The following ADAMTS6 variants were observed in gnomAD, a reference collection of about 807,000 sequenced individuals.
The protein encoded by ADAMTS6 is A disintegrin and metalloproteinase with thrombospondin motifs 6.
ADAMTS6 carries 23 observed loss-of-function variants against 144.3 expected under a neutral mutation model. That is an observed-to-expected ratio of 0.16 (90% CI 0.11 to 0.23). The LOEUF (loss-of-function observed/expected upper bound fraction) is 0.23. ADAMTS6 is among the 10% of genes least tolerant of loss of function. The pLI is 1.00. For missense variants in ADAMTS6, 999 were observed against 1,379.6 expected, an observed-to-expected ratio of 0.72 and a Z score of 4.37; for synonymous variants, 444 against 457.5, an observed-to-expected ratio of 0.97 and a Z score of 0.38.
At chr5:65,225,259 C>G (rs773254782) in intron 16 of ADAMTS6, among the ~76,000 whole-genome samples, 2 of 152,118 alleles carry the variant, frequency 1.3e-5, no homozygotes, top group Non-Finnish European at 2.9e-5. Flanking sequence ...AAATAAACTA[C>G]CCCTTGCCCA....
At chr5:65,450,676 A>T (rs1758669180) in intron 7 of ADAMTS6, among the ~76,000 whole-genome samples, 1 of 152,152 alleles carries the variant, frequency 6.6e-6, no homozygotes. Context: ...AGTATTAAAA[A>T]CTATAACAGA....
At chr5:65,466,853 T>C (rs569239897) in intron 3 of ADAMTS6, among the ~76,000 whole-genome samples, 1 of 152,194 alleles carries the variant, frequency 6.6e-6, no homozygotes, top group Non-Finnish European at 1.5e-5. Flanking sequence ...CCATCCTGGC[T>C]AACACAGTGA....
chr5:65,296,356 CA>C (rs1221544658), intron 10 of ADAMTS6, among the ~76,000 whole-genome samples: 1 of 152,146 alleles, frequency 6.6e-6, no homozygotes, highest in Non-Finnish European at 1.5e-5. Context: ...CCTTCTAAGG[CA>C]AATCTTTTTC....
chr5:65,465,462 C>T lies in ADAMTS6; in HGVS notation c.463-5124G>A, dbSNP rs1334884996. ...CACCCCTCACTCTACCTAATCATTC[C>T]CACTTCAAACAAAACAAAACCTCCT... On this transcript the variant is annotated intron_variant, in intron 3 of 24. Transcript: ENST00000381055. 5.8e-3 allele frequency among the ~76,000 whole-genome samples: 10 copies of T among 1,716 alleles called. No individual in the cohort carries two copies. The South Asian group carries it at 0.14, about 24-fold the overall frequency. 1.1% of individuals were successfully genotyped at this position (1,716 alleles called of 152,430 possible).
At chr5:65,436,367 A>G (rs566793521) in intron 7 of ADAMTS6, among the ~76,000 whole-genome samples, 1 of 152,286 alleles carries the variant, frequency 6.6e-6, no homozygotes, top group African/African-American at 2.4e-5. Flanking sequence ...TTTCTTATCA[A>G]ATTTGCTTCT....
chr5:65,171,302 C>T (rs1234222210), intron 23 of ADAMTS6, among the ~76,000 whole-genome samples: 2 of 152,168 alleles, frequency 1.3e-5, no homozygotes, highest in Non-Finnish European at 2.9e-5. Flanking sequence ...AGCCATCGCG[C>T]CTGGCCACAA....
intron 24 of ADAMTS6, among the ~76,000 whole-genome samples, chr5:65,170,120 C>T (rs1303128457): frequency 1.3e-5 from 2 of 152,172 alleles, no homozygotes; most frequent in Non-Finnish European, 2.9e-5. Flanking sequence ...TAAACAGCTA[C>T]ATAATTATTT....
intron 9 of ADAMTS6, among the ~76,000 whole-genome samples, chr5:65,310,481 T>C (rs755468345): frequency 4.6e-5 from 7 of 152,158 alleles, no homozygotes; most frequent in Non-Finnish European, 1.0e-4. Context: ...GCTGTGTTCA[T>C]GCCACTGCAC....
At chr5:65,266,536 C>G (rs2112621972) in intron 12 of ADAMTS6, among the ~76,000 whole-genome samples, 1 of 152,042 alleles carries the variant, frequency 6.6e-6, no homozygotes, top group South Asian at 2.1e-4. Context: ...AACAAGTTAA[C>G]AACTTTGGTC....
Position 65,452,200 on chromosome 5 carries a change from C to A in ADAMTS6, c.860G>T (p.Arg287Leu), listed in dbSNP as rs1295702367. The A allele has an allele frequency of 6.2e-7, 1 of 1,612,664 alleles. No homozygotes were observed. Among genetic ancestry groups the A allele is most frequent in the South Asian group, 1.1e-5 (1 of 90,902 alleles). ...CACAACGTTTCCTAGGCTGGAATCACGGTAAAGTTTGGCAACCTGACCTCC... is the reference window on the plus strand; with the variant it reads ...CACAACGTTTCCTAGGCTGGAATCAAGGTAAAGTTTGGCAACCTGACCTCC... ...SVMNIVAKLY[R>L]DSSLGNVVNI... The change falls in exon 6 of 25, where the codon CGT becomes CTT. Residue 287 changes from arginine (R) to leucine (L), a missense_variant. Coordinates refer to ENST00000381055, the MANE Select transcript of ADAMTS6 (RefSeq NM_197941.4).
Position 65,460,324 on chromosome 5 carries a change from A to T in ADAMTS6, c.477T>A (p.Ala159=). Residue 159 remains alanine (A), a synonymous_variant, in exon 4 of 25, where the codon GCT becomes GCA. Transcript: ENST00000381055. ...CGATAAAATACTCTTCATCTTCTGT[A>T]GCAATAACACCATGCTAAAAGAAAA... is the stretch of plus-strand genomic sequence containing the variant. The part of the protein sequence containing the change: ...SNCVGLHGVI[A]TEDEEYFIEP... 1 of 1,611,598 alleles carries T rather than the reference A, an allele frequency of 6.2e-7. No homozygotes were observed. Among genetic ancestry groups the T allele is most frequent in the Non-Finnish European group, 8.5e-7 (1 of 1,178,842 alleles).
intron 7 of ADAMTS6, among the ~76,000 whole-genome samples, chr5:65,342,815 T>C (rs900068242): frequency 1.3e-5 from 2 of 151,858 alleles, no homozygotes; most frequent in South Asian, 2.1e-4. Flanking sequence ...AAAGACTCTA[T>C]CAAAAAACCT....
intron 8 of ADAMTS6, among the ~76,000 whole-genome samples, chr5:65,332,832 G>A (rs988674720): frequency 2.0e-5 from 3 of 152,036 alleles, no homozygotes; most frequent in East Asian, 3.9e-4. Context: ...ATGTGAGCTC[G>A]CTCAGCAAAG....
chr5:65,264,922 T>G (rs1436290148), intron 12 of ADAMTS6, among the ~76,000 whole-genome samples: 1 of 152,120 alleles, frequency 6.6e-6, no homozygotes, highest in Admixed American at 6.6e-5. Flanking sequence ...AATTAAGGAA[T>G]TGTGTCCTAT....
intron 7 of ADAMTS6, among the ~76,000 whole-genome samples, chr5:65,417,805 G>A (rs532205231): frequency 6.6e-6 from 1 of 152,210 alleles, no homozygotes; most frequent in South Asian, 2.1e-4. Flanking sequence ...ACTGCCCAAA[G>A]CAATCTATGG....
chr5:65,310,443 T>G (rs1215081575), intron 9 of ADAMTS6, among the ~76,000 whole-genome samples: 1 of 152,146 alleles, frequency 6.6e-6, no homozygotes, highest in East Asian at 1.9e-4. Context: ...GAAGGATCAC[T>G]TGAGCCCAGG....
rs1195901741 is a variant in ADAMTS6, at chr5:65,373,694, T to A, written c.1074-39609A>T. Among the ~76,000 whole-genome samples the A allele has an allele frequency of 4.6e-5, 7 of 152,290 alleles. No individual in the cohort carries two copies. The East Asian group carries it at 1.4e-3, about 29-fold the overall frequency. On this transcript the variant is annotated intron_variant, in intron 7 of 24. Coordinates refer to ENST00000381055, the MANE Select transcript of ADAMTS6 (RefSeq NM_197941.4). Reference sequence around the variant, plus strand: ...TACCAGAGGTACAAGGAGAAACTGGTACCATTCCTTCTGAAACTATTCCAA... The same window carrying A: ...TACCAGAGGTACAAGGAGAAACTGGAACCATTCCTTCTGAAACTATTCCAA...
chr5:65,349,200 C>T (rs927588651), intron 7 of ADAMTS6, among the ~76,000 whole-genome samples: 1 of 152,056 alleles, frequency 6.6e-6, no homozygotes, highest in South Asian at 2.1e-4. Flanking sequence ...TTAGTAGGGT[C>T]TTTTAAGTCT....
At chr5:65,479,765 C>G (rs1761078296) in intron 1 of ADAMTS6, among the ~76,000 whole-genome samples, 1 of 152,198 alleles carries the variant, frequency 6.6e-6, no homozygotes. Flanking sequence ...AGGAATTAAT[C>G]TTACAGGTAT....
Sources: gnomAD v4.1 joint callset for allele counts (sites outside exome capture counted in the v4.1 genomes callset) on GRCh38, gnomAD v4.1.1 for gene constraint, MANE v1.5 for transcripts, NCBI Gene and HGNC (gene_info 2026-07-23, HGNC 2026-07-21) for gene names.